PPP2R2C: variants seen among roughly 807,000 people sequenced by gnomAD.
PPP2R2C encodes protein phosphatase 2 regulatory subunit Bgamma.
A neutral mutation model predicts 45.3 loss-of-function variants in PPP2R2C; 10 were observed. The ratio of observed to expected loss-of-function variants is 0.22; its 90% CI spans 0.14 to 0.37. PPP2R2C has a LOEUF of 0.37. Among genes scored for constraint, PPP2R2C ranks in the 10% least tolerant of loss-of-function variants. The pLI, the probability that PPP2R2C is intolerant of heterozygous loss-of-function variation, is 1.00. For synonymous variants in PPP2R2C, 257 were observed against 245.4 expected (o/e 1.05, Z -0.44); for missense variants, 308 against 619.7 (o/e 0.50, Z 5.34).
Position 6,332,932 on chromosome 4 carries a change from C to T in PPP2R2C, c.960+630G>A, listed in dbSNP as rs1241160460. 6.6e-6 allele frequency among the ~76,000 whole-genome samples: 1 copy of T among 152,218 alleles called. No individual in the cohort carries two copies. Among genetic ancestry groups the T allele is most frequent in the Non-Finnish European group, 1.5e-5 (1 of 68,042 alleles). On this transcript the variant is annotated intron_variant, in intron 7 of 8. Transcript: ENST00000382599. This position sits in a 1 kb window ranked among gnomAD's most constrained non-coding sequence, Gnocchi z 4.9. ...GATCTCCCCACCTAACTGGAACCAG[C>T]TTTGAAGCCATCCCACATTTCTTTC...
rs141005479 is a variant in PPP2R2C, at chr4:6,381,800, T to G, written c.71-706A>C. On this transcript the variant is annotated intron_variant, in intron 1 of 8. Coordinates refer to ENST00000382599, the MANE Select transcript of PPP2R2C (RefSeq NM_020416.4). The stretch of plus-strand genomic sequence containing the variant: ...ACCTGGAGTCTTCAATGCCCAGGGC[T>G]GGCCTTCCTGGATGGGCAAGTGTTT... 83 of 1,613,882 alleles carry G rather than the reference T, an allele frequency of 5.1e-5. No individual in the cohort carries two copies. Among genetic ancestry groups the G allele is most frequent in the Non-Finnish European group, 6.4e-5 (76 of 1,179,946 alleles).
chr4:6,514,477 A>T (rs561488590), intron 2 of PPP2R2C, among the ~76,000 whole-genome samples: 2 of 152,314 alleles, frequency 1.3e-5, no homozygotes, highest in South Asian at 4.1e-4. Flanking sequence ...ATTGATAAGG[A>T]GTGGAGCTGA....
rs2109146443 is a variant in PPP2R2C at position 6,324,416 on chromosome 4, A to G, written c.1053-823T>C. On this transcript the variant is annotated intron_variant, in intron 8 of 8. Transcript: ENST00000382599. The surrounding 1 kb of genome is among the most constrained non-coding windows in gnomAD (Gnocchi z 4.1). ...ACTGCACTCCAGCCTGGGCAATAAGAGCAAAACTCCGTCTCGAAAAAAGAA... is the reference window on the plus strand; with the variant it reads ...ACTGCACTCCAGCCTGGGCAATAAGGGCAAAACTCCGTCTCGAAAAAAGAA... Among the ~76,000 whole-genome samples, 1 of 150,166 alleles carries G rather than the reference A, an allele frequency of 6.7e-6. No homozygotes were observed. The highest frequency in any genetic ancestry group is 2.2e-4 in the South Asian group (1 of 4,600).
intron 2 of PPP2R2C, among the ~76,000 whole-genome samples, chr4:6,483,146 G>C (rs1722419302): frequency 1.9e-5 from 1 of 52,284 alleles, no homozygotes; most frequent in Non-Finnish European, 4.4e-5. Flanking sequence ...TAGATAGATT[G>C]ATTGATTGAT....
intron 1 of PPP2R2C, among the ~76,000 whole-genome samples, chr4:6,392,570 C>CAGCA (rs1403228035): frequency 6.6e-6 from 1 of 152,000 alleles, no homozygotes; most frequent in Non-Finnish European, 1.5e-5. Flanking sequence ...GAGCAAAGGC[C>CAGCA]CTGAGGTAGG....
intron 2 of PPP2R2C, among the ~76,000 whole-genome samples, chr4:6,496,898 T>TAAATAAATAAATAAAG (rs1384598020): frequency 6.6e-6 from 1 of 151,162 alleles, no homozygotes; most frequent in Non-Finnish European, 1.5e-5. Flanking sequence ...AATAAATAAA[T>TAAATAAATAAATAAAG]AAAGTCTGTG....
chr4:6,507,225 G>A (rs906134806), intron 2 of PPP2R2C, among the ~76,000 whole-genome samples: 2 of 152,214 alleles, frequency 1.3e-5, no homozygotes, highest in African/African-American at 4.8e-5. Context: ...CAAAAGCACA[G>A]GTGCTCAAGG....
intron 5 of PPP2R2C, among the ~76,000 whole-genome samples, chr4:6,361,819 C>G (rs938363093): frequency 6.6e-6 from 1 of 152,172 alleles, no homozygotes; most frequent in East Asian, 1.9e-4. Flanking sequence ...CAGACCAGAC[C>G]CCGCCCTGAC....
chr4:6,550,952 A>T (rs1025006017), intron 1 of PPP2R2C, among the ~76,000 whole-genome samples: 1 of 152,220 alleles, frequency 6.6e-6, no homozygotes. Flanking sequence ...AGCTAGAGCA[A>T]CACTTTTGTT....
At chr4:6,552,485 C>T (rs1170176593) in intron 1 of PPP2R2C, among the ~76,000 whole-genome samples, 1 of 152,082 alleles carries the variant, frequency 6.6e-6, no homozygotes, top group Non-Finnish European at 1.5e-5. Flanking sequence ...ATCTCTCTCC[C>T]TCTCTTCCTC....
intron 1 of PPP2R2C, among the ~76,000 whole-genome samples, chr4:6,562,171 G>C (rs578049418): frequency 1.3e-5 from 2 of 152,162 alleles, no homozygotes; most frequent in Non-Finnish European, 2.9e-5. Flanking sequence ...AGAGTGCGGG[G>C]GACAATGAGA....
chr4:6,443,018 C>T (rs1192085889), intron 1 of PPP2R2C, among the ~76,000 whole-genome samples: 1 of 152,236 alleles, frequency 6.6e-6, no homozygotes, highest in East Asian at 1.9e-4. Flanking sequence ...CACAGCCTCC[C>T]TGCTCGGTGA....
intron 1 of PPP2R2C, among the ~76,000 whole-genome samples, chr4:6,459,864 T>C (rs144905671): frequency 3.9e-4 from 59 of 152,218 alleles, no homozygotes; most frequent in Non-Finnish European, 1.5e-5. Flanking sequence ...CCACTAGCAA[T>C]GCTCTGGGGA....
In PPP2R2C at chr4:6,368,934, G is replaced by A. The variant is rs932814055; in HGVS notation, c.625+3589C>T. Among the ~76,000 whole-genome samples the A allele has an allele frequency of 3.9e-5, 6 of 152,192 alleles. No homozygotes were observed. Among genetic ancestry groups the A allele is most frequent in the African/African-American group, 1.4e-4 (6 of 41,444 alleles). On this transcript the variant is annotated intron_variant, in intron 5 of 8. Coordinates refer to ENST00000382599, the MANE Select transcript of PPP2R2C (RefSeq NM_020416.4). This position sits in a 1 kb window ranked among gnomAD's most constrained non-coding sequence, Gnocchi z 4.2. ...TCCCGTTCCCTGGAAGCAGGCAGGT[G>A]GGAAGTCGGCACAGCCTCCAGTAAT...
At chr4:6,372,159 C>A (rs1358208237) in intron 5 of PPP2R2C, among the ~76,000 whole-genome samples, 1 of 152,208 alleles carries the variant, frequency 6.6e-6, no homozygotes, top group Admixed American at 6.5e-5. Flanking sequence ...GTGGGGAGGG[C>A]CCCGAGGCGC....
chr4:6,354,003 G>A (rs1328775174), intron 5 of PPP2R2C, among the ~76,000 whole-genome samples: 1 of 129,524 alleles, frequency 7.7e-6, no homozygotes, highest in African/African-American at 3.0e-5. Flanking sequence ...CAGCCCTGGG[G>A]CACCAAGCCA....
intron 1 of PPP2R2C, among the ~76,000 whole-genome samples, chr4:6,460,297 C>A (rs1323186450): frequency 6.6e-6 from 1 of 152,170 alleles, no homozygotes; most frequent in Non-Finnish European, 1.5e-5. Flanking sequence ...TGGTGTCCCT[C>A]TAAGGACACA....
intron 1 of PPP2R2C, among the ~76,000 whole-genome samples, chr4:6,558,026 C>G (rs1446768672): frequency 6.6e-6 from 1 of 152,178 alleles, no homozygotes; most frequent in East Asian, 1.9e-4. Context: ...TTCTGAGCAG[C>G]CTCAGCACCC....
chr4:6,460,093 T>C (rs562161052), intron 1 of PPP2R2C, among the ~76,000 whole-genome samples: 6 of 152,190 alleles, frequency 3.9e-5, no homozygotes, highest in South Asian at 2.1e-4. Context: ...TTAAAATACA[T>C]AGAAGAAGCA....
Sources: gnomAD v4.1 joint callset for allele counts (sites outside exome capture counted in the v4.1 genomes callset) on GRCh38, gnomAD v4.1.1 for gene constraint, Gnocchi (gnomAD v3.1) non-coding constraint, MANE v1.5 for transcripts, NCBI Gene and HGNC (gene_info 2026-07-23, HGNC 2026-07-21) for gene names.